The following CACNA1H variants were observed in gnomAD, a reference collection of about 807,000 sequenced individuals.
CACNA1H encodes calcium voltage-gated channel subunit alpha1 H.
CACNA1H carries 149 observed loss-of-function variants against 192.5 expected under a neutral mutation model. The ratio of observed to expected loss-of-function variants is 0.77; its 90% CI spans 0.68 to 0.89. The LOEUF is 0.89. CACNA1H is among the 40% of genes least tolerant of loss of function. The probability of loss-of-function intolerance (pLI) is 0.00; values close to 1 mark genes in which losing one functional copy is unlikely to be tolerated. For missense variants in CACNA1H, 4,257 were observed against 3,423.5 expected (o/e 1.24, Z -6.08); for synonymous variants, 2,202 against 1,475.2 (o/e 1.49, Z -11.29).
intron 2 of CACNA1H, among the ~76,000 whole-genome samples, chr16:1,165,703 G>A (rs779152808): frequency 6.6e-6 from 1 of 152,232 alleles, no homozygotes; most frequent in Non-Finnish European, 1.5e-5. Context: ...AGGATGTAGA[G>A]GGGCTGCCTC....
intron 2 of CACNA1H, among the ~76,000 whole-genome samples, chr16:1,178,778 C>T (rs1965174455): frequency 6.6e-6 from 1 of 151,244 alleles, no homozygotes; most frequent in African/African-American, 2.4e-5. Flanking sequence ...GCCCCTGTCT[C>T]CTCCAAGCTC....
At chr16:1,158,403 G>C (rs1473947006) in intron 2 of CACNA1H, among the ~76,000 whole-genome samples, 1 of 152,070 alleles carries the variant, frequency 6.6e-6, no homozygotes, top group Non-Finnish European at 1.5e-5. Context: ...CCTGGGGGCA[G>C]CTCATCCTTC....
intron 24 of CACNA1H, 43 bp from the exon 25 acceptor site, chr16:1,211,903 T>C (rs1969493309): frequency 6.2e-7 from 1 of 1,610,836 alleles, no homozygotes; most frequent in Non-Finnish European, 8.5e-7. Flanking sequence ...GTAGGGCCCC[T>C]GGCGGGGCAG....
rs1374972742 is a variant in CACNA1H at position 1,208,167 on chromosome 16, T to C, written c.3309T>C (p.Ser1103=). The C allele has an allele frequency of 5.1e-6, 8 of 1,567,560 alleles. No homozygotes were observed. Among genetic ancestry groups the C allele is most frequent in the Non-Finnish European group, 6.9e-6 (8 of 1,158,794 alleles). ...FLDAAPSLPD[S]RRGSSSSGDP... is the part of the protein sequence containing the mutation. ...ATGCAGCCCCCAGCCTCCCAGACTC[T>C]CGGCGTGGCAGCAGCAGCTCCGGGG... Residue 1103 remains serine (S), a synonymous_variant, in exon 16 of 35, where the codon TCT becomes TCC. Coordinates refer to ENST00000348261, the MANE Select transcript of CACNA1H (RefSeq NM_021098.3).
At chr16:1,215,497 T>C in intron 29 of CACNA1H, 26 bp from the exon 30 acceptor site, 4 of 1,607,984 alleles carry the variant, frequency 2.5e-6, no homozygotes, top group Non-Finnish European at 3.4e-6. Context: ...CGCCCAGCCC[T>C]GCTGACGCTC....
At chr16:1,198,291 A>G (rs901551041) in intron 5 of CACNA1H, among the ~76,000 whole-genome samples, 2 of 151,550 alleles carry the variant, frequency 1.3e-5, no homozygotes, top group South Asian at 2.1e-4. Context: ...CCCTGCCTCC[A>G]CTCCTGCCCC....
At position 1,164,267 on chromosome 16, in the gene CACNA1H, G is replaced by T. The variant is rs1881712671; in HGVS notation, c.299+10231G>T. Among the ~76,000 whole-genome samples the T allele has an allele frequency of 2.0e-5, 3 of 152,202 alleles. No individual in the cohort carries two copies. In the South Asian group the frequency reaches 6.2e-4, roughly 31 times the overall value. ...GGGCGGCAGTGTCGTCAGTTGCAGGGGTGCAGTCCAAGGCCCCAGGAATAC... is the reference window on the plus strand; with the variant it reads ...GGGCGGCAGTGTCGTCAGTTGCAGGTGTGCAGTCCAAGGCCCCAGGAATAC... On this transcript the variant is annotated intron_variant, in intron 2 of 34. Coordinates refer to ENST00000348261, the MANE Select transcript of CACNA1H (RefSeq NM_021098.3).
In CACNA1H at chr16:1,180,128, C is replaced by T. The variant is rs1312299460; in HGVS notation, c.300-14844C>T. Among the ~76,000 whole-genome samples the T allele has an allele frequency of 2.6e-5, 4 of 151,790 alleles. No homozygotes were observed. The highest frequency in any genetic ancestry group is 6.5e-5 in the Admixed American group (1 of 15,270). ...GGCTGAGGGGCGTCGTGTGGATGGA[C>T]GGCCAGCCCGTTGGGTGCCCTGGCT... On this transcript the variant is annotated intron_variant, in intron 2 of 34. Coordinates refer to ENST00000348261, the MANE Select transcript of CACNA1H (RefSeq NM_021098.3). The surrounding 1 kb of genome is among the most constrained non-coding windows in gnomAD (Gnocchi z 4.4).
rs1567526470 is a variant in CACNA1H, at chr16:1,206,299, AC to A, written c.2789+16del. ...TCATTTTCATCTTCAGGTGGGCGCA[AC>A]CCCCCTCCCGGCCCGCCCAGTGTCT... On this transcript the variant is annotated intron_variant, in intron 12 of 34. Transcript: ENST00000348261. 3.2e-6 allele frequency: 5 copies of A among 1,548,288 alleles called. No individual in the cohort carries two copies. Among genetic ancestry groups the A allele is most frequent in the Middle Eastern group, 2.3e-4 (1 of 4,384 alleles).
chr16:1,165,553 C>T (rs1567441681), intron 2 of CACNA1H, among the ~76,000 whole-genome samples: 3 of 152,178 alleles, frequency 2.0e-5, no homozygotes, highest in Admixed American at 6.5e-5. Flanking sequence ...CCCCACCTGG[C>T]CTCCGGTGCA....
intron 5 of CACNA1H, 61 bp downstream of exon 5, chr16:1,196,084 A>T: frequency 7.3e-7 from 1 of 1,366,230 alleles, no homozygotes; most frequent in South Asian, 1.2e-5. Context: ...CCAGCCCTGC[A>T]GAGCTCTCAA....
chr16:1,173,220 C>G (rs984498273), intron 2 of CACNA1H, among the ~76,000 whole-genome samples: 1 of 152,062 alleles, frequency 6.6e-6, no homozygotes, highest in African/African-American at 2.4e-5. Flanking sequence ...AGATGGGGTG[C>G]TGGTGGCCAG....
At chr16:1,200,109 G>A (rs1281402229) in intron 6 of CACNA1H, 147 bp from the exon 7 acceptor site, 9 of 657,346 alleles carry the variant, frequency 1.4e-5, no homozygotes, top group East Asian at 1.1e-4. Flanking sequence ...GACCCTAACC[G>A]TGCCTCCCTA....
intron 2 of CACNA1H, among the ~76,000 whole-genome samples, chr16:1,162,778 C>T (rs536153897): frequency 6.6e-6 from 1 of 152,202 alleles, no homozygotes; most frequent in South Asian, 2.1e-4. Context: ...GGACAGTGTC[C>T]AAGCTGGGGG....
intron 12 of CACNA1H, chr16:1,206,771 C>T (rs1481608925): frequency 1.9e-6 from 1 of 527,188 alleles, no homozygotes. Flanking sequence ...TGTCCCGCCT[C>T]TGGTCTTGGT....
At chr16:1,155,792 A>C (rs929487472) in intron 2 of CACNA1H, among the ~76,000 whole-genome samples, 2 of 152,078 alleles carry the variant, frequency 1.3e-5, no homozygotes, top group Admixed American at 6.6e-5. Context: ...TGCTGTGTGC[A>C]GGGAAGGTGT....
At chr16:1,164,707 A>G (rs993269916) in intron 2 of CACNA1H, among the ~76,000 whole-genome samples, 8 of 152,002 alleles carry the variant, frequency 5.3e-5, no homozygotes, top group Non-Finnish European at 1.0e-4. Context: ...CCCTTCTGTG[A>G]GATCTTGGCC....
chr16:1,154,157 CCGGGCGCG>C (rs1316115206), intron 2 of CACNA1H, 121 bp downstream of exon 2: 13 of 740,026 alleles, frequency 1.8e-5, no homozygotes, highest in Non-Finnish European at 2.4e-5. Context: ...CTGGCGTGGG[CCGGGCGCG>C]CGGGGGTGCA....
rs1356887744 is a variant in CACNA1H, at chr16:1,207,363, T to C, written c.2996T>C (p.Met999Thr). The C allele has an allele frequency of 6.2e-7, 1 of 1,613,100 alleles. No homozygotes were observed. Among genetic ancestry groups the C allele is most frequent in the Non-Finnish European group, 8.5e-7 (1 of 1,179,814 alleles). Residue 999 changes from methionine (M) to threonine (T), a missense_variant, in exon 14 of 35, where the codon ATG (methionine) becomes ACG (threonine). Met to Thr is a moderately conservative substitution (Grantham distance 81). Transcript: ENST00000348261. The stretch of plus-strand genomic sequence containing the variant: ...GCCGCCCTCTACTTCGTGGCCCTCA[T>C]GACCTTCGGCAACTATGTGCTCTTC... ...SWAALYFVAL[M>T]TFGNYVLFNL...
Sources: allele counts gnomAD v4.1 joint callset (sites outside exome capture counted in the v4.1 genomes callset), GRCh38; gene constraint gnomAD v4.1.1; non-coding constraint Gnocchi (gnomAD v3.1); transcripts MANE v1.5; gene names NCBI Gene and HGNC (gene_info 2026-07-23, HGNC 2026-07-21).